The following PPM1E variants were observed in gnomAD, a reference collection of about 807,000 sequenced individuals.
The protein encoded by PPM1E is protein phosphatase, Mg2+/Mn2+ dependent 1E.
Under a neutral mutation model 65.9 loss-of-function variants are expected in PPM1E, and 20 were observed. That is an observed-to-expected ratio of 0.30 (90% CI 0.21 to 0.44). The LOEUF (loss-of-function observed/expected upper bound fraction) is 0.44. Ranked by LOEUF, PPM1E falls within the 20% of genes least tolerant of loss-of-function variation. The pLI, the probability that PPM1E is intolerant of heterozygous loss-of-function variation, is 1.00. For synonymous variants in PPM1E, 352 were observed against 374.9 expected (o/e 0.94, Z 0.70); for missense variants, 713 against 953.1 (o/e 0.75, Z 3.32).
At chr17:58,833,203 AG>A (rs1027355483) in intron 1 of PPM1E, among the ~76,000 whole-genome samples, 7 of 151,894 alleles carry the variant, frequency 4.6e-5, no homozygotes, top group African/African-American at 1.7e-4. Context: ...TTTGGGATAT[AG>A]AACTCCCAAA....
chr17:58,831,663 T>C (rs1567847356), intron 1 of PPM1E, among the ~76,000 whole-genome samples: 3 of 152,226 alleles, frequency 2.0e-5, no homozygotes, highest in Admixed American at 1.3e-4. Flanking sequence ...GTTCCTTAGA[T>C]TCCTGGAGTT....
chr17:58,916,463 T>TA (rs2051684605), intron 1 of PPM1E, among the ~76,000 whole-genome samples: 1 of 152,056 alleles, frequency 6.6e-6, no homozygotes, highest in Non-Finnish European at 1.5e-5. Flanking sequence ...TGCTGTCATT[T>TA]AAAAAAAGAA....
In PPM1E at chr17:58,982,075, G is replaced by A. The variant is rs2031386472; in HGVS notation, c.*1044G>A. On this transcript the variant is annotated 3_prime_UTR_variant, in exon 7 of 7. Coordinates refer to ENST00000308249, the MANE Select transcript of PPM1E (RefSeq NM_014906.5). The stretch of plus-strand genomic sequence containing the variant: ...AAGGTAGTGAAGTAATTGGAATGAA[G>A]GAGGCTGAAAGTATTGTCTAAAGTG... 6.6e-6 allele frequency: 1 copy of A among 152,602 alleles called. No homozygotes were observed. The highest frequency in any genetic ancestry group is 2.4e-5 in the African/African-American group (1 of 41,436). The allele number at this position is 152,602 out of a possible 1,614,324, so 9.5% of individuals were successfully genotyped here. A position where few individuals can be genotyped will look rare whatever the true frequency, so the allele number is the denominator to read the frequency against.
intron 1 of PPM1E, among the ~76,000 whole-genome samples, chr17:58,813,780 A>G (rs541186044): frequency 1.3e-5 from 2 of 152,228 alleles, no homozygotes; most frequent in Non-Finnish European, 2.9e-5. Context: ...TTTCATTTGG[A>G]AGAGTTTCTG....
chr17:58,922,319 C>G (rs2051763129), intron 1 of PPM1E, among the ~76,000 whole-genome samples: 1 of 152,052 alleles, frequency 6.6e-6, no homozygotes, highest in South Asian at 2.1e-4. Context: ...GTGGCACGAT[C>G]ATAGCTCACT....
At chr17:58,913,655 A>T (rs2051653654) in intron 1 of PPM1E, among the ~76,000 whole-genome samples, 1 of 152,116 alleles carries the variant, frequency 6.6e-6, no homozygotes, top group Non-Finnish European at 1.5e-5. Flanking sequence ...GGGACTGCTG[A>T]CTGGTTGAGT....
chr17:58,891,123 C>A (rs192625557), intron 1 of PPM1E, among the ~76,000 whole-genome samples: 99 of 152,056 alleles, frequency 6.5e-4, no homozygotes, highest in Non-Finnish European at 2.9e-5. Flanking sequence ...TGTACCACCA[C>A]GCCCAGCTAA....
intron 1 of PPM1E, among the ~76,000 whole-genome samples, chr17:58,888,661 A>G (rs1229006209): frequency 1.3e-5 from 2 of 151,792 alleles, no homozygotes; most frequent in Non-Finnish European, 1.5e-5. Context: ...CCCGGCCAGG[A>G]CTCTTCTCTT....
chr17:58,902,946 T>TC (rs1387457214), intron 1 of PPM1E, among the ~76,000 whole-genome samples: 1 of 152,194 alleles, frequency 6.6e-6, no homozygotes, highest in African/African-American at 2.4e-5. Flanking sequence ...TGACTTTGAA[T>TC]TGCCCAACCT....
intron 2 of PPM1E, among the ~76,000 whole-genome samples, chr17:58,959,515 A>C (rs1192937326): frequency 6.7e-6 from 1 of 150,036 alleles, no homozygotes; most frequent in Non-Finnish European, 1.5e-5. Context: ...AGGAGAATGG[A>C]GTGAACCTGG....
intron 1 of PPM1E, among the ~76,000 whole-genome samples, chr17:58,810,505 G>A (rs983808063): frequency 2.0e-5 from 3 of 151,992 alleles, no homozygotes; most frequent in African/African-American, 7.2e-5. Context: ...GCGCCCGGCC[G>A]CTGTGTACTT....
In PPM1E at chr17:58,981,198, A is replaced by G; in HGVS notation, c.*167A>G. On this transcript the variant is annotated 3_prime_UTR_variant, in exon 7 of 7. Transcript: ENST00000308249. ...AGGAAACTCAAAGTACAGTGTTTTC[A>G]ATCTAAAAAGAAGTATTGGCAGTTT... The G allele has an allele frequency of 1.7e-6, 1 of 588,230 alleles. No homozygotes were observed. The highest frequency in any genetic ancestry group is 2.9e-6 in the Non-Finnish European group (1 of 348,044). The allele number at this position is 588,230 out of a possible 1,614,324, so 36.4% of individuals were successfully genotyped here.
At chr17:58,761,745 A>G (rs557815457) in intron 1 of PPM1E, among the ~76,000 whole-genome samples, 2 of 152,138 alleles carry the variant, frequency 1.3e-5, no homozygotes, top group Non-Finnish European at 1.5e-5. Flanking sequence ...GGTCCCTTCT[A>G]CGTTCCTTTC....
At chr17:58,904,986 T>A (rs2051540867) in intron 1 of PPM1E, among the ~76,000 whole-genome samples, 1 of 152,076 alleles carries the variant, frequency 6.6e-6, no homozygotes, top group African/African-American at 2.4e-5. Flanking sequence ...GTCGTGCCAT[T>A]GCACTCCAGC....
intron 1 of PPM1E, among the ~76,000 whole-genome samples, chr17:58,809,586 G>GAATAAGATC (rs1464964715): frequency 6.6e-6 from 1 of 152,008 alleles, no homozygotes; most frequent in Non-Finnish European, 1.5e-5. Flanking sequence ...GTCTTACTAT[G>GAATAAGATC]TTTCCCAGAC....
chr17:58,931,870 C>T (rs1267566460), intron 1 of PPM1E, among the ~76,000 whole-genome samples: 1 of 152,140 alleles, frequency 6.6e-6, no homozygotes, highest in Non-Finnish European at 1.5e-5. Flanking sequence ...AAGAAAATGT[C>T]ACAAAAGACC....
intron 1 of PPM1E, among the ~76,000 whole-genome samples, chr17:58,787,510 G>C (rs2050111739): frequency 6.6e-6 from 1 of 151,914 alleles, no homozygotes; most frequent in South Asian, 2.1e-4. Flanking sequence ...TGGACCCATG[G>C]ACTAATCATT....
At chr17:58,853,746 G>A (rs1304350051) in intron 1 of PPM1E, among the ~76,000 whole-genome samples, 2 of 152,030 alleles carry the variant, frequency 1.3e-5, no homozygotes, top group African/African-American at 2.4e-5. Flanking sequence ...CATGAGAATC[G>A]CTTGAACCCG....
intron 1 of PPM1E, among the ~76,000 whole-genome samples, chr17:58,925,433 T>A (rs913477668): frequency 1.3e-5 from 2 of 152,014 alleles, no homozygotes; most frequent in Admixed American, 1.3e-4. Flanking sequence ...GCTGTTTTTT[T>A]ATTTCTTTTT....
Sources: gnomAD v4.1 joint callset for allele counts (sites outside exome capture counted in the v4.1 genomes callset) on GRCh38, gnomAD v4.1.1 for gene constraint, MANE v1.5 for transcripts, NCBI Gene and HGNC (gene_info 2026-07-23, HGNC 2026-07-21) for gene names.